Variants in IPMK observed in about 807,000 individuals in gnomAD.
The protein encoded by IPMK is inositol polyphosphate multikinase.
IPMK carries 17 observed loss-of-function variants against 45.8 expected under a neutral mutation model. That is an observed-to-expected ratio of 0.37 (90% CI 0.25 to 0.56). The LOEUF (loss-of-function observed/expected upper bound fraction) is 0.56. IPMK is among the 20% of genes least tolerant of loss of function. The pLI is 0.79. For synonymous variants in IPMK, 180 were observed against 184.3 expected (o/e 0.98, Z 0.19); for missense variants, 399 against 498.0 (o/e 0.80, Z 1.89).
rs139477278 is a variant in IPMK at position 58,215,501 on chromosome 10, T to C, written c.546+644A>G. 4.0e-4 allele frequency among the ~76,000 whole-genome samples: 61 copies of C among 151,346 alleles called. No individual in the cohort carries two copies. In the East Asian group the frequency reaches 0.012, roughly 30 times the overall value. On this transcript the variant is annotated intron_variant, in intron 4 of 5. Coordinates refer to ENST00000373935, the MANE Select transcript of IPMK (RefSeq NM_152230.5). The stretch of plus-strand genomic sequence containing the variant: ...ATGGCTCACTTCAGCCTTGACCTCC[T>C]GGGCTCAAGTGATCCTCCCACCTCA...
chr10:58,251,592 C>T (rs1007603933), intron 1 of IPMK, among the ~76,000 whole-genome samples: 2 of 152,146 alleles, frequency 1.3e-5, no homozygotes, highest in Non-Finnish European at 1.5e-5. Context: ...AAGTCTCCTA[C>T]TATTATTCTA....
Position 58,267,415 on chromosome 10 carries a change from C to T in IPMK, c.190+7G>A. On this transcript the variant is annotated splice_region_variant and intron_variant, in intron 1 of 5. Coordinates refer to ENST00000373935, the MANE Select transcript of IPMK (RefSeq NM_152230.5). ...GGAGCGGCGAGACCTATGCCACCCC[C>T]ACTTACCCACTTTGTCCTTCCCGTA... 6.2e-7 allele frequency: 1 copy of T among 1,613,614 alleles called. No individual in the cohort carries two copies. The highest frequency in any genetic ancestry group is 8.5e-7 in the Non-Finnish European group (1 of 1,179,658).
chr10:58,197,322 A>AATAAATAAATAAATACATAC (rs1212863029), intron 5 of IPMK, among the ~76,000 whole-genome samples: 1 of 110,052 alleles, frequency 9.1e-6, no homozygotes, highest in Non-Finnish European at 2.0e-5. Context: ...TAAATAAATA[A>AATAAATAAATAAATACATAC]ATAAATACAT....
chr10:58,205,396 T>G (rs180857422), intron 4 of IPMK, among the ~76,000 whole-genome samples: 1 of 152,018 alleles, frequency 6.6e-6, no homozygotes, highest in Non-Finnish European at 1.5e-5. Flanking sequence ...GTCAAAAACA[T>G]TGCACATGAA....
chr10:58,249,661 GTTGA>G (rs1198992544), intron 1 of IPMK, among the ~76,000 whole-genome samples: 3 of 152,074 alleles, frequency 2.0e-5, no homozygotes, highest in East Asian at 1.9e-4. Context: ...CTGTCACTCT[GTTGA>G]TTGTTTCCTT....
chr10:58,228,842 T>C (rs527397683), intron 2 of IPMK, among the ~76,000 whole-genome samples: 1 of 152,182 alleles, frequency 6.6e-6, no homozygotes, highest in South Asian at 2.1e-4. Context: ...ATATAACAAA[T>C]ATTTTCTTAA....
intron 3 of IPMK, among the ~76,000 whole-genome samples, chr10:58,219,424 T>C (rs1361464072): frequency 1.3e-5 from 2 of 152,224 alleles, no homozygotes; most frequent in African/African-American, 4.8e-5. Flanking sequence ...CTGTCATTAA[T>C]AGAAATAAAT....
chr10:58,264,087 T>C (rs986047561), intron 1 of IPMK, among the ~76,000 whole-genome samples: 7 of 152,246 alleles, frequency 4.6e-5, no homozygotes, highest in African/African-American at 1.2e-4. Flanking sequence ...GATTAAAGTA[T>C]TATATCCCTG....
At position 58,233,372 on chromosome 10, in the gene IPMK, A is replaced by T. The variant is rs550884614; in HGVS notation, c.276+4357T>A. ...AGCCTGGCAGAGACACAACAAAAAA[A>T]AGGGAATTTTAGACCAACGTCCCTG... On this transcript the variant is annotated intron_variant, in intron 2 of 5. Coordinates refer to ENST00000373935, the MANE Select transcript of IPMK (RefSeq NM_152230.5). 2.8e-4 allele frequency among the ~76,000 whole-genome samples: 43 copies of T among 152,330 alleles called. No individual in the cohort carries two copies. The South Asian group carries it at 7.3e-3, about 26-fold the overall frequency.
intron 2 of IPMK, among the ~76,000 whole-genome samples, chr10:58,233,766 G>A (rs1838563901): frequency 6.6e-6 from 1 of 152,156 alleles, no homozygotes; most frequent in African/African-American, 2.4e-5. Flanking sequence ...CACAAGACAA[G>A]GATGCCCTCT....
intron 2 of IPMK, among the ~76,000 whole-genome samples, chr10:58,234,274 A>C (rs1328001665): frequency 6.6e-6 from 1 of 152,228 alleles, no homozygotes; most frequent in African/African-American, 2.4e-5. Flanking sequence ...CATCCTCATC[A>C]AGCTACAAAT....
At chr10:58,216,716 ATTAG>A (rs1838249430) in intron 3 of IPMK, among the ~76,000 whole-genome samples, 1 of 152,230 alleles carries the variant, frequency 6.6e-6, no homozygotes, top group Non-Finnish European at 1.5e-5. Flanking sequence ...TTCATTTAAA[ATTAG>A]TAATAGGAAT....
rs1838077204 is a variant in IPMK at position 58,206,798 on chromosome 10, C to A, written c.547-7477G>T. On this transcript the variant is annotated intron_variant, in intron 4 of 5. Coordinates refer to ENST00000373935, the MANE Select transcript of IPMK (RefSeq NM_152230.5). ...ACCTGCATCCCACCCTTCCTCAAGT[C>A]CCCAAAGTCCATTATCTCATTCTTA... is the stretch of plus-strand genomic sequence containing the variant. Among the ~76,000 whole-genome samples the A allele has an allele frequency of 2.6e-5, 4 of 152,172 alleles. No homozygotes were observed. In the South Asian group the frequency reaches 8.3e-4, roughly 32 times the overall value.
intron 4 of IPMK, chr10:58,212,483 G>A (rs1838179954): frequency 5.4e-6 from 1 of 183,802 alleles, no homozygotes; most frequent in Non-Finnish European, 1.3e-5. Flanking sequence ...ATGACAAGCA[G>A]CAGCCAGTTA....
chr10:58,245,695 T>G (rs1394378803), intron 1 of IPMK, among the ~76,000 whole-genome samples: 2 of 151,414 alleles, frequency 1.3e-5, no homozygotes, highest in East Asian at 3.9e-4. Flanking sequence ...ACAGCCAATA[T>G]CATACTGAAT....
At chr10:58,199,157 T>C (rs568365645) in intron 5 of IPMK, 83 bp downstream of exon 5, 4 of 783,068 alleles carry the variant, frequency 5.1e-6, no homozygotes, top group Non-Finnish European at 8.1e-6. Flanking sequence ...CAAATCACTT[T>C]TCCAAATGAC....
At chr10:58,254,299 T>C (rs1838931259) in intron 1 of IPMK, among the ~76,000 whole-genome samples, 1 of 152,228 alleles carries the variant, frequency 6.6e-6, no homozygotes, top group Non-Finnish European at 1.5e-5. Flanking sequence ...TTCTTTCCTC[T>C]GTTTCATCAA....
chr10:58,262,066 G>A (rs1033590173), intron 1 of IPMK, among the ~76,000 whole-genome samples: 7 of 152,160 alleles, frequency 4.6e-5, no homozygotes, highest in African/African-American at 1.7e-4. Flanking sequence ...ACACAGGGCA[G>A]GGAACATCAC....
chr10:58,208,284 CCTT>C (rs1199516216), intron 4 of IPMK, among the ~76,000 whole-genome samples: 2 of 152,162 alleles, frequency 1.3e-5, no homozygotes, highest in Non-Finnish European at 2.9e-5. Flanking sequence ...TCTGGTATCT[CCTT>C]GAGTAGCTTA....
Sources: gnomAD v4.1 joint callset for allele counts (sites outside exome capture counted in the v4.1 genomes callset) on GRCh38, gnomAD v4.1.1 for gene constraint, MANE v1.5 for transcripts, NCBI Gene and HGNC (gene_info 2026-07-23, HGNC 2026-07-21) for gene names.